The following LIMCH1 variants were observed in gnomAD, a reference collection of about 807,000 sequenced individuals.
The protein encoded by LIMCH1 is LIM and calponin homology domains 1.
A neutral mutation model predicts 176.5 loss-of-function variants in LIMCH1; 113 were observed. The ratio of observed to expected loss-of-function variants is 0.64; its 90% confidence interval spans 0.55 to 0.75. LIMCH1 has a LOEUF of 0.75. Ranked by LOEUF, LIMCH1 falls within the 30% of genes least tolerant of loss-of-function variation. The probability of loss-of-function intolerance (pLI) is 0.00; values close to 1 mark genes in which losing one functional copy is unlikely to be tolerated. For synonymous variants in LIMCH1, 619 were observed against 645.9 expected (o/e 0.96, Z 0.63); for missense variants, 1,674 against 1,814.9 (o/e 0.92, Z 1.41).
At chr4:41,467,581 C>T (rs1366983630) in intron 1 of LIMCH1, among the ~76,000 whole-genome samples, 1 of 152,122 alleles carries the variant, frequency 6.6e-6, no homozygotes, top group Non-Finnish European at 1.5e-5. Context: ...GAAAAACCCA[C>T]CCCCATGATC....
At chr4:41,546,187 G>A (rs2079363621) in intron 1 of LIMCH1, among the ~76,000 whole-genome samples, 1 of 152,076 alleles carries the variant, frequency 6.6e-6, no homozygotes, top group Non-Finnish European at 1.5e-5. Flanking sequence ...CACCCAGGCT[G>A]GAGTGCAGTG....
At chr4:41,450,827 G>A (rs2063794390) in intron 1 of LIMCH1, among the ~76,000 whole-genome samples, 1 of 140,598 alleles carries the variant, frequency 7.1e-6, no homozygotes, top group South Asian at 2.3e-4. Context: ...AAAAAAAGTT[G>A]TAGGGGATGT....
Position 41,612,961 on chromosome 4 carries a change from C to T in LIMCH1, c.10-505C>T. 11 of 1,529,752 alleles carry T rather than the reference C, an allele frequency of 7.2e-6. No individual in the cohort carries two copies. In the South Asian group the frequency reaches 9.7e-5, roughly 14 times the overall value. 94.8% of individuals were successfully genotyped at this position (1,529,752 alleles called of 1,614,324 possible). On this transcript the variant is annotated intron_variant, in intron 4 of 31. Transcript: ENST00000503057. Reference sequence around the variant, plus strand: ...GAACGCGTGCTGCTCCAGGATTTTACAGAACTGATTCTGCAGCAAAGACAA... The same window carrying T: ...GAACGCGTGCTGCTCCAGGATTTTATAGAACTGATTCTGCAGCAAAGACAA...
chr4:41,520,191 C>G (rs1004502608), intron 2 of LIMCH1, among the ~76,000 whole-genome samples: 1 of 152,072 alleles, frequency 6.6e-6, no homozygotes, highest in East Asian at 1.9e-4. Context: ...GAAGTCTTAC[C>G]TGGGCCTGGA....
intron 1 of LIMCH1, among the ~76,000 whole-genome samples, chr4:41,474,842 G>C (rs77045287): frequency 6.6e-5 from 10 of 152,342 alleles, no homozygotes; most frequent in African/African-American, 2.4e-4. Flanking sequence ...CAAAGGAATT[G>C]AAATCAGTGT....
chr4:41,415,449 A>G (rs1336204353), intron 1 of LIMCH1, among the ~76,000 whole-genome samples: 1 of 152,150 alleles, frequency 6.6e-6, no homozygotes, highest in Non-Finnish European at 1.5e-5. Context: ...AATAATATGT[A>G]TATGATTTCC....
intron 1 of LIMCH1, among the ~76,000 whole-genome samples, chr4:41,390,067 CAAG>C (rs940175812): frequency 3.3e-5 from 5 of 152,032 alleles, no homozygotes; most frequent in Non-Finnish European, 7.4e-5. Flanking sequence ...ACTGGAGAGA[CAAG>C]AAAGTATTAG....
At chr4:41,616,297 G>T (rs1011312821) in intron 5 of LIMCH1, among the ~76,000 whole-genome samples, 3 of 151,998 alleles carry the variant, frequency 2.0e-5, no homozygotes, top group African/African-American at 7.2e-5. Flanking sequence ...GGAGGCCAAG[G>T]TGAGTAGATC....
In LIMCH1 at chr4:41,520,023, AT is replaced by A. The variant is rs762142925; in HGVS notation, c.168-4381del. ...TTATCTATGCTCTCTGATACCTATGATTTTTAATAAGCAGAAATTTTCTATA... is the reference window on the plus strand; with the variant it reads ...TTATCTATGCTCTCTGATACCTATGATTTTAATAAGCAGAAATTTTCTATA... On this transcript the variant is annotated intron_variant, in intron 2 of 26. Transcript: ENST00000313860. 1.1e-4 allele frequency among the ~76,000 whole-genome samples: 16 copies of A among 152,304 alleles called. No individual in the cohort carries two copies. In the South Asian group the frequency reaches 3.3e-3, roughly 32 times the overall value.
intron 2 of LIMCH1, among the ~76,000 whole-genome samples, chr4:41,602,675 G>A (rs1480336171): frequency 6.6e-6 from 1 of 151,954 alleles, no homozygotes; most frequent in African/African-American, 2.4e-5. Flanking sequence ...GGTCATGGTG[G>A]CACGTGCCTG....
chr4:41,385,978 C>G (rs2056437491), intron 1 of LIMCH1: 1 of 152,192 alleles, frequency 6.6e-6, no homozygotes, highest in Non-Finnish European at 1.5e-5. Context: ...CCACTTTTGA[C>G]ACTTCAACAC....
chr4:41,577,647 TTGAACTCCTG>T (rs1401021434), intron 1 of LIMCH1, among the ~76,000 whole-genome samples: 2 of 152,114 alleles, frequency 1.3e-5, no homozygotes, highest in Non-Finnish European at 2.9e-5. Context: ...TCAGGCTGTC[TTGAACTCCTG>T]GGCTCAAGCA....
intron 14 of LIMCH1, among the ~76,000 whole-genome samples, chr4:41,641,765 G>T (rs1023641426): frequency 1.3e-5 from 2 of 152,178 alleles, no homozygotes; most frequent in Admixed American, 1.3e-4. Flanking sequence ...CCACTTGTGG[G>T]GTCATGTCAG....
At chr4:41,378,249 G>T (rs922554158) in intron 1 of LIMCH1, among the ~76,000 whole-genome samples, 4 of 152,202 alleles carry the variant, frequency 2.6e-5, no homozygotes, top group African/African-American at 9.6e-5. Flanking sequence ...CCATGCCTGA[G>T]GGTTTGGTGT....
intron 13 of LIMCH1, among the ~76,000 whole-genome samples, chr4:41,634,366 C>A (rs2093472542): frequency 6.6e-6 from 1 of 152,106 alleles, no homozygotes; most frequent in Non-Finnish European, 1.5e-5. Flanking sequence ...AAAAGTGATA[C>A]ATTTTTGTTA....
At chr4:41,581,152 A>T (rs552376424) in intron 1 of LIMCH1, among the ~76,000 whole-genome samples, 2 of 151,116 alleles carry the variant, frequency 1.3e-5, no homozygotes, top group African/African-American at 4.9e-5. Flanking sequence ...CTATCATCTA[A>T]TCAATCATCT....
intron 1 of LIMCH1, among the ~76,000 whole-genome samples, chr4:41,474,192 A>C (rs756928390): frequency 4.7e-5 from 7 of 149,894 alleles, no homozygotes; most frequent in Non-Finnish European, 8.9e-5. Flanking sequence ...AATAAAAATA[A>C]AAACAAAAAT....
intron 2 of LIMCH1, among the ~76,000 whole-genome samples, chr4:41,504,038 T>C (rs1318260207): frequency 6.6e-6 from 1 of 152,176 alleles, no homozygotes; most frequent in East Asian, 1.9e-4. Flanking sequence ...GTCTGTACTT[T>C]CTCCTTTTAA....
intron 1 of LIMCH1, among the ~76,000 whole-genome samples, chr4:41,380,555 A>T (rs1489758878): frequency 6.6e-6 from 1 of 151,978 alleles, no homozygotes; most frequent in Non-Finnish European, 1.5e-5. Flanking sequence ...AGCAGTTCTC[A>T]ACTCTGGCTA....
Sources: gnomAD v4.1 joint callset for allele counts (sites outside exome capture counted in the v4.1 genomes callset) on GRCh38, gnomAD v4.1.1 for gene constraint, MANE v1.5 for transcripts, NCBI Gene and HGNC (gene_info 2026-07-23, HGNC 2026-07-21) for gene names.